Variants in ZNF14 observed in about 807,000 individuals in gnomAD.
ZNF14 encodes the protein gonadotropin inducible transcription repressor-4.
In ZNF14, 9 loss-of-function variants were observed where a neutral mutation model predicts 11.3. The observed-to-expected ratio is 0.80, with a 90% CI of 0.48 to 1.39. The LOEUF is 1.39. Among genes scored for constraint, ZNF14 ranks in the 40% most tolerant of loss-of-function variants. The pLI is 0.00. For synonymous variants in ZNF14, 239 were observed against 245.7 expected (o/e 0.97, Z 0.25); for missense variants, 711 against 763.9 (o/e 0.93, Z 0.82).
rs1453689243 is a variant in ZNF14, at chr19:19,724,255, G to A, written c.3+8701C>T. ...TTTCCCTCTACACGCTGCTTTAAAT[G>A]TGTCCCAGAGATTCTGGTATGTTTT... On this transcript the variant is annotated intron_variant, in intron 1 of 3. Transcript: ENST00000344099. Among the ~76,000 whole-genome samples, 3 of 133,328 alleles carry A rather than the reference G, an allele frequency of 2.3e-5. 1 individual carries two copies. The highest frequency in any genetic ancestry group is 5.0e-5 in the Non-Finnish European group (3 of 59,958). The allele number at this position is 133,328 out of a possible 152,430, so 87.5% of individuals were successfully genotyped here.
chr19:19,719,235 G>A (rs529179881), intron 1 of ZNF14, among the ~76,000 whole-genome samples: 11 of 152,096 alleles, frequency 7.2e-5, no homozygotes, highest in South Asian at 2.1e-4. Context: ...TGTCACTAGC[G>A]TACCTGCCTT....
intron 3 of ZNF14, 142 bp from the exon 4 acceptor site, chr19:19,713,231 C>T (rs899856163): frequency 1.3e-6 from 1 of 769,758 alleles, no homozygotes; most frequent in Non-Finnish European, 2.0e-6. Context: ...TTAATATATT[C>T]AATGCTCTGG....
chr19:19,722,129 C>T (rs1214529203), intron 1 of ZNF14, among the ~76,000 whole-genome samples: 2 of 152,170 alleles, frequency 1.3e-5, no homozygotes, highest in African/African-American at 4.8e-5. Flanking sequence ...ATACACACCA[C>T]TGCAGACAAA....
At chr19:19,718,090 A>C (rs1186823275) in intron 1 of ZNF14, among the ~76,000 whole-genome samples, 6 of 152,216 alleles carry the variant, frequency 3.9e-5, no homozygotes, top group African/African-American at 1.4e-4. Flanking sequence ...CATCTTGTCG[A>C]GTTTTCAACA....
Position 19,733,016 on chromosome 19 carries a change from T to A in ZNF14, c.-58A>T. ...CTACGGATCTGTCAGTACCTGCAGG[T>A]CACGGCGCGACAAAGGATGCGCTAG... On this transcript the variant is annotated 5_prime_UTR_variant, in exon 1 of 4. Transcript: ENST00000344099. 2 of 1,602,526 alleles carry A rather than the reference T, an allele frequency of 1.2e-6. No homozygotes were observed. Among genetic ancestry groups the A allele is most frequent in the Non-Finnish European group, 1.7e-6 (2 of 1,173,516 alleles).
chr19:19,714,635 C>T, intron 1 of ZNF14, 148 bp from the exon 2 acceptor site: 1 of 746,342 alleles, frequency 1.3e-6, no homozygotes, highest in Non-Finnish European at 2.0e-6. Flanking sequence ...ACTGTCCACA[C>T]TGACTTCCTC....
At position 19,713,525 on chromosome 19, in the gene ZNF14, T is replaced by C. The variant is rs181078424; in HGVS notation, c.192-436A>G. 1.5e-3 allele frequency among the ~76,000 whole-genome samples: 232 copies of C among 152,178 alleles called. 2 individuals carry two copies. The highest frequency in any genetic ancestry group is 9.8e-3 in the East Asian group (51 of 5,182). ...GTACAGTGGCACGATCTAGGCTCAC[T>C]GCAGCTTCTGCCTCCTGGGTTCCAG... On this transcript the variant is annotated intron_variant, in intron 3 of 3. Transcript: ENST00000344099.
In ZNF14 at chr19:19,712,466, G is replaced by A. The variant is rs777627447; in HGVS notation, c.815C>T (p.Thr272Ile). 6.4e-7 allele frequency: 1 copy of A among 1,559,184 alleles called. No homozygotes were observed. Among genetic ancestry groups the A allele is most frequent in the Non-Finnish European group, 8.8e-7 (1 of 1,142,524 alleles). ...CPTYFRTHER[T>I]HTGEKPYKCK... ...TTTGTAGGGTTTTTCTCCAGTGTGA[G>A]TTCTTTCATGAGTTCGAAAGTATGT... is the stretch of plus-strand genomic sequence containing the variant. Residue 272 changes from threonine (T) to isoleucine (I), a missense_variant, in exon 4 of 4, where the codon ACT (threonine) becomes ATT (isoleucine). Transcript: ENST00000344099.
chr19:19,714,192 A>G, intron 2 of ZNF14, 41 bp from the exon 3 acceptor site: 1 of 1,599,804 alleles, frequency 6.3e-7, no homozygotes, highest in Non-Finnish European at 8.5e-7. Context: ...AATTATTAGA[A>G]ATTATAGAAA....
In ZNF14 at chr19:19,713,748, C is replaced by CTTTTTTTTT. The variant is rs71172526; in HGVS notation, c.191+334_191+342dup. ...ACAGGCATGAGCCACTGTGCCAGGCCTTTTTTTTTTTTTTTCCCCAGATGA... is the reference window on the plus strand; with the variant it reads ...ACAGGCATGAGCCACTGTGCCAGGCCTTTTTTTTTTTTTTTTTTTTTTTTCCCCAGATGA... On this transcript the variant is annotated intron_variant, in intron 3 of 3. Transcript: ENST00000344099. Among the ~76,000 whole-genome samples, 501 of 120,052 alleles carry CTTTTTTTTT rather than the reference C, an allele frequency of 4.2e-3. 13 individuals are homozygous for CTTTTTTTTT. Among genetic ancestry groups the CTTTTTTTTT allele is most frequent in the East Asian group, 6.6e-3 (27 of 4,098 alleles). The allele number at this position is 120,052 out of a possible 152,430, so 78.8% of individuals were successfully genotyped here. A position where few individuals can be genotyped will look rare whatever the true frequency, so the allele number is the denominator to read the frequency against.
intron 1 of ZNF14, among the ~76,000 whole-genome samples, chr19:19,714,940 G>A (rs192692108): frequency 6.6e-6 from 1 of 151,874 alleles, no homozygotes; most frequent in East Asian, 1.9e-4. Flanking sequence ...GAACTCCTGA[G>A]CTCAGGCAAT....
intron 1 of ZNF14, among the ~76,000 whole-genome samples, chr19:19,725,025 C>T (rs1178007312): frequency 7.5e-6 from 1 of 133,428 alleles, no homozygotes; most frequent in Non-Finnish European, 1.7e-5. Flanking sequence ...TGGGTGTTGA[C>T]TCTTTATCCA....
At position 19,713,100 on chromosome 19, in the gene ZNF14, T is replaced by C. The variant is rs902101948; in HGVS notation, c.192-11A>G. Reference sequence around the variant, plus strand: ...TCAACCATATGACATCTGTAAAAAATGAATAGCACATTATTAGTGGCTTTT... The same window carrying C: ...TCAACCATATGACATCTGTAAAAAACGAATAGCACATTATTAGTGGCTTTT... On this transcript the variant is annotated splice_polypyrimidine_tract_variant and intron_variant, in intron 3 of 3. Transcript: ENST00000344099. The C allele has an allele frequency of 3.9e-5, 60 of 1,551,326 alleles. No homozygotes were observed. The highest frequency in any genetic ancestry group is 4.9e-5 in the Non-Finnish European group (57 of 1,152,476).
chr19:19,720,967 G>A lies in ZNF14; in HGVS notation c.4-6480C>T, dbSNP rs1008191347. On this transcript the variant is annotated intron_variant, in intron 1 of 3. Transcript: ENST00000344099. This position sits in a 1 kb window ranked among gnomAD's most constrained non-coding sequence, Gnocchi z 4.1. ...CCTACTCTTACTTTATTTATTTATTGATTTTTTTGAGACAGAGTCTTGCTC... is the reference window on the plus strand; with the variant it reads ...CCTACTCTTACTTTATTTATTTATTAATTTTTTTGAGACAGAGTCTTGCTC... 2.0e-5 allele frequency among the ~76,000 whole-genome samples: 3 copies of A among 152,052 alleles called. No homozygotes were observed. The highest frequency in any genetic ancestry group is 2.1e-4 in the South Asian group (1 of 4,824).
chr19:19,719,566 T>C (rs758444162), intron 1 of ZNF14, among the ~76,000 whole-genome samples: 3 of 151,998 alleles, frequency 2.0e-5, no homozygotes, highest in Admixed American at 6.6e-5. Flanking sequence ...TCAAAGGCAA[T>C]GAGTAAAACT....
chr19:19,711,462 T>G lies in ZNF14; in HGVS notation c.1819A>C (p.Arg607=). The change falls in exon 4 of 4, where the codon AGG becomes CGG. Residue 607 remains arginine, a synonymous_variant. Coordinates refer to ENST00000344099, the MANE Select transcript of ZNF14 (RefSeq NM_021030.3). ...RFSSSVRIHE[R]SHTGEKPYEC... ...TAAGGTTTCTCTCCAGTGTGAGACC[T>G]TTCATGAATTCGAACAGAACTTGAA... The G allele has an allele frequency of 6.2e-7, 1 of 1,613,956 alleles. No individual in the cohort carries two copies. The highest frequency in any genetic ancestry group is 1.3e-5 in the African/African-American group (1 of 75,058).
rs3031866 is a variant in ZNF14, at chr19:19,714,713, C to CTTTTTTTTTTTTTTTTT, written c.4-227_4-226insAAAAAAAAAAAAAAAAA. Among the ~76,000 whole-genome samples the CTTTTTTTTTTTTTTTTT allele has an allele frequency of 3.3e-4, 41 of 122,816 alleles. 2 individuals are homozygous for CTTTTTTTTTTTTTTTTT. Among genetic ancestry groups the CTTTTTTTTTTTTTTTTT allele is most frequent in the Non-Finnish European group, 5.6e-4 (33 of 59,204 alleles). The allele number at this position is 122,816 out of a possible 152,430, so 80.6% of individuals were successfully genotyped here. ...TTTTTTCTTTTTCCTTTTTCTTTTT[C>CTTTTTTTTTTTTTTTTT]TTTTTTTTTTTTTTTTGAGACAGAG... On this transcript the variant is annotated intron_variant, in intron 1 of 3. Transcript: ENST00000344099.
Position 19,712,531 on chromosome 19 carries a change from G to C in ZNF14, c.750C>G (p.Pro250=). ...CCTTACCACATTGCTTACATTCATA[G>C]GGTTTCTCTCCAGTGTGAGTCCTTT... ...RHKRTHTGEK[P]YECKQCGKAF... is the part of the protein sequence containing the mutation. The change falls in exon 4 of 4, where the codon CCC becomes CCG. Residue 250 remains proline, a synonymous_variant. Coordinates refer to ENST00000344099, the MANE Select transcript of ZNF14 (RefSeq NM_021030.3). The C allele has an allele frequency of 6.2e-7, 1 of 1,613,234 alleles. No homozygotes were observed. The highest frequency in any genetic ancestry group is 8.5e-7 in the Non-Finnish European group (1 of 1,179,816).
Position 19,711,941 on chromosome 19 carries a change from T to G in ZNF14, c.1340A>C (p.Tyr447Ser). The G allele has an allele frequency of 6.2e-7, 1 of 1,614,028 alleles. No homozygotes were observed. The highest frequency in any genetic ancestry group is 8.5e-7 in the Non-Finnish European group (1 of 1,179,986). Residue 447 changes from tyrosine to serine, a missense_variant, in exon 4 of 4, where the codon TAT becomes TCT. Tyr to Ser is a moderately radical substitution (Grantham distance 144). Transcript: ENST00000344099. ...HERTHNAEKP[Y>S]ECKQCGKAFR... ...GGCTTTCCCACACTGTTTACATTCA[T>G]AGGGTTTCTCTGCATTGTGAGTCCT... is the stretch of plus-strand genomic sequence containing the variant.
Sources: allele counts gnomAD v4.1 joint callset (sites outside exome capture counted in the v4.1 genomes callset), GRCh38; gene constraint gnomAD v4.1.1; non-coding constraint Gnocchi (gnomAD v3.1); transcripts MANE v1.5; gene names NCBI Gene and HGNC (gene_info 2026-07-23, HGNC 2026-07-21).